Variants in MYO10 observed in about 807,000 individuals in gnomAD.
MYO10 encodes the protein myosin X, also known as unconventional myosin-X.
In MYO10, 133 loss-of-function variants were observed where a neutral mutation model predicts 257.3. The observed-to-expected ratio is 0.52, with a 90% confidence interval of 0.45 to 0.60. MYO10 has a LOEUF of 0.60. Among genes scored for constraint, MYO10 ranks in the 20% least tolerant of loss-of-function variants. The probability of loss-of-function intolerance (pLI) is 0.00; values close to 1 mark genes in which losing one functional copy is unlikely to be tolerated. For missense variants in MYO10, 2,399 were observed against 2,635.7 expected, an observed-to-expected ratio of 0.91 and a Z score of 1.97; for synonymous variants, 1,104 against 1,028.6, an observed-to-expected ratio of 1.07 and a Z score of -1.40.
chr5:16,666,570 G>C lies in MYO10; in HGVS notation c.*122C>G. On this transcript the variant is annotated 3_prime_UTR_variant, in exon 41 of 41. Transcript: ENST00000513610. ...CCTCGGAGACACCTCCCTCAGACCA[G>C]AAGCTTCCAGAAAGCCTGGGCAGCT... The C allele has an allele frequency of 1.3e-6, 1 of 766,202 alleles. No individual in the cohort carries two copies. Among genetic ancestry groups the C allele is most frequent in the Non-Finnish European group, 2.1e-6 (1 of 486,274 alleles). 47.5% of individuals were successfully genotyped at this position (766,202 alleles called of 1,614,324 possible). A position where few individuals can be genotyped will look rare whatever the true frequency, so the allele number is the denominator to read the frequency against.
intron 1 of MYO10, among the ~76,000 whole-genome samples, chr5:16,914,224 G>A (rs879173896): frequency 4.6e-5 from 7 of 152,174 alleles, no homozygotes; most frequent in East Asian, 1.9e-4. Context: ...AAGTGCGGGC[G>A]GCTTGGCTGA....
At chr5:16,777,838 A>ATTTTT in intron 9 of MYO10, among the ~76,000 whole-genome samples, 1 of 94,948 alleles carries the variant, frequency 1.1e-5, no homozygotes, top group Non-Finnish European at 2.0e-5. Context: ...ATTGCATCTA[A>ATTTTT]CTTTTTTTTT....
At chr5:16,727,931 GCTCT>G (rs1739436653) in intron 19 of MYO10, among the ~76,000 whole-genome samples, 1 of 150,180 alleles carries the variant, frequency 6.7e-6, no homozygotes, top group South Asian at 2.1e-4. Context: ...ATGCCTAACA[GCTCT>G]CCAGTGTTTA....
chr5:16,773,959 G>A (rs944094617), intron 9 of MYO10, among the ~76,000 whole-genome samples: 1 of 152,032 alleles, frequency 6.6e-6, no homozygotes, highest in Non-Finnish European at 1.5e-5. Flanking sequence ...ACCAGTTCTC[G>A]CCAATGCAGA....
chr5:16,691,577 T>C (rs578140751), intron 27 of MYO10, among the ~76,000 whole-genome samples: 1 of 151,788 alleles, frequency 6.6e-6, no homozygotes, highest in Admixed American at 6.6e-5. Context: ...TGCACACCTG[T>C]AGTCCCAGCT....
intron 28 of MYO10, among the ~76,000 whole-genome samples, chr5:16,689,253 T>C (rs1737382546): frequency 6.6e-6 from 1 of 152,238 alleles, no homozygotes; most frequent in African/African-American, 2.4e-5. Flanking sequence ...CTTCCTGAAA[T>C]ACTTAGGTAT....
Position 16,766,234 on chromosome 5 carries a change from G to A in MYO10, c.1061-36C>T, listed in dbSNP as rs112516552. 4.9e-5 allele frequency: 75 copies of A among 1,522,218 alleles called. 1 individual carries two copies. Among genetic ancestry groups the A allele is most frequent in the African/African-American group, 4.0e-4 (29 of 73,126 alleles). 94.3% of individuals were successfully genotyped at this position (1,522,218 alleles called of 1,614,324 possible). A position where few individuals can be genotyped will look rare whatever the true frequency, so the allele number is the denominator to read the frequency against. On this transcript the variant is annotated intron_variant, in intron 10 of 40. Coordinates refer to ENST00000513610, the MANE Select transcript of MYO10 (RefSeq NM_012334.3). ...TAAGACAAAGGTGAATGAACCCACC[G>A]CCCCCAAGAAGCTAACCAGGCTTAG...
At chr5:16,929,116 C>G (rs1345780470) in intron 1 of MYO10, among the ~76,000 whole-genome samples, 1 of 151,604 alleles carries the variant, frequency 6.6e-6, no homozygotes, top group African/African-American at 2.4e-5. Flanking sequence ...CCATGCCCGG[C>G]TCATTTTTTG....
chr5:16,718,340 G>A (rs912742332), intron 19 of MYO10, among the ~76,000 whole-genome samples: 23 of 152,162 alleles, frequency 1.5e-4, no homozygotes, highest in Non-Finnish European at 2.6e-4. Flanking sequence ...GAATGCGAGC[G>A]CACGGCGCAG....
chr5:16,747,867 C>T (rs574958463), intron 19 of MYO10, among the ~76,000 whole-genome samples: 20 of 130,084 alleles, frequency 1.5e-4, no homozygotes, highest in South Asian at 7.5e-4. Context: ...TGCAGTGAGC[C>T]GAGATCGTGC....
chr5:16,727,950 A>G (rs1157372392), intron 19 of MYO10, among the ~76,000 whole-genome samples: 2 of 151,794 alleles, frequency 1.3e-5, no homozygotes, highest in East Asian at 3.9e-4. Context: ...TGTTTAGTAC[A>G]AGCCCTTTCT....
chr5:16,699,230 G>C (rs1737909918), intron 26 of MYO10, among the ~76,000 whole-genome samples: 1 of 152,056 alleles, frequency 6.6e-6, no homozygotes, highest in African/African-American at 2.4e-5. Context: ...ATGCTGGTAG[G>C]ACCACAGCAC....
chr5:16,744,681 A>T (rs2126634691), intron 19 of MYO10, among the ~76,000 whole-genome samples: 1 of 152,174 alleles, frequency 6.6e-6, no homozygotes, highest in East Asian at 1.9e-4. Flanking sequence ...CAGGTGGGGT[A>T]GTGGTCAATG....
intron 30 of MYO10, among the ~76,000 whole-genome samples, chr5:16,683,559 C>A (rs2126503104): frequency 6.6e-6 from 1 of 152,280 alleles, no homozygotes; most frequent in Admixed American, 6.5e-5. Flanking sequence ...TATCATTTTC[C>A]TAAACAGGCA....
At chr5:16,766,558 C>A (rs111719550) in intron 10 of MYO10, among the ~76,000 whole-genome samples, 3,876 of 151,706 alleles carry the variant, frequency 0.026, 169 homozygotes, top group African/African-American at 0.088. Flanking sequence ...GCCTCCCAAG[C>A]AGCTGGGACT....
chr5:16,703,209 A>C, intron 22 of MYO10, 51 bp from the exon 23 acceptor site: 1 of 1,407,878 alleles, frequency 7.1e-7, no homozygotes, highest in East Asian at 2.4e-5. Context: ...TGAGGCTTTG[A>C]GCTATTCAAA....
At chr5:16,668,163 T>C (rs968754492) in intron 40 of MYO10, 114 bp downstream of exon 40, 6 of 1,211,984 alleles carry the variant, frequency 5.0e-6, no homozygotes, top group African/African-American at 3.1e-5. Context: ...TTTTCGTGTT[T>C]TGAAGAAAAA....
At chr5:16,885,445 G>T (rs1451020978) in intron 1 of MYO10, among the ~76,000 whole-genome samples, 1 of 152,116 alleles carries the variant, frequency 6.6e-6, no homozygotes, top group African/African-American at 2.4e-5. Context: ...GCCAAGGCAG[G>T]CGGATCACCT....
intron 2 of MYO10, among the ~76,000 whole-genome samples, chr5:16,818,422 A>ACGTATATATATGTATATATG (rs1742704176): frequency 2.7e-5 from 4 of 149,110 alleles, no homozygotes; most frequent in African/African-American, 1.0e-4. Context: ...ATATATATAT[A>ACGTATATATATGTATATATG]TATACACATA....
Sources: allele counts gnomAD v4.1 joint callset (sites outside exome capture counted in the v4.1 genomes callset), GRCh38; gene constraint gnomAD v4.1.1; transcripts MANE v1.5; gene names NCBI Gene and HGNC (gene_info 2026-07-23, HGNC 2026-07-21).